Variants in SPTBN1 observed in about 807,000 individuals in gnomAD.
SPTBN1 encodes spectrin beta, non-erythrocytic 1, also known as spectrin beta chain, non-erythrocytic 1.
In SPTBN1, 32 loss-of-function variants were observed where a neutral mutation model predicts 266.4. The ratio of observed to expected loss-of-function variants is 0.12; its 90% CI spans 0.09 to 0.16. The LOEUF is 0.16. Ranked by LOEUF, SPTBN1 falls within the 10% of genes least tolerant of loss-of-function variation. The probability of loss-of-function intolerance (pLI) is 1.00; values close to 1 mark genes in which losing one functional copy is unlikely to be tolerated. For missense variants in SPTBN1, 2,296 were observed against 3,067.1 expected (o/e 0.75, Z 5.94); for synonymous variants, 1,336 against 1,162.2 (o/e 1.15, Z -3.04).
At chr2:54,500,133 G>C (rs1669173592) in intron 1 of SPTBN1, among the ~76,000 whole-genome samples, 1 of 152,158 alleles carries the variant, frequency 6.6e-6, no homozygotes, top group Admixed American at 6.5e-5. Flanking sequence ...TTCATTCTTT[G>C]AAAGAAAAAT....
Position 54,659,953 on chromosome 2 carries a change from A to C in SPTBN1, c.6374A>C (p.Glu2125Ala). The C allele has an allele frequency of 6.2e-7, 1 of 1,614,146 alleles. No homozygotes were observed. The highest frequency in any genetic ancestry group is 8.5e-7 in the Non-Finnish European group (1 of 1,180,024). ...CCTAACAGGGATACTTCAAAAGGAG[A>C]ACAAGTTTCCCAAAACGGTTTGCCA... Reference protein sequence around the residue: ...SQQQWDTSKGEQVSQNGLPAE... With the variant: ...SQQQWDTSKGAQVSQNGLPAE... The change falls in exon 32 of 36, where the codon GAA (glutamate) becomes GCA (alanine). Residue 2125 changes from glutamate to alanine, a missense_variant. By Grantham distance (107) the Glu-to-Ala change is moderately radical. Transcript: ENST00000356805.
At chr2:54,666,568 ACT>A (rs944419653) in intron 34 of SPTBN1, among the ~76,000 whole-genome samples, 187 of 152,046 alleles carry the variant, frequency 1.2e-3, no homozygotes, top group Middle Eastern at 3.4e-3. Flanking sequence ...TCCTCCCCTG[ACT>A]CTCCCAGCAG....
intron 31 of SPTBN1, among the ~76,000 whole-genome samples, chr2:54,659,526 G>C (rs1223695276): frequency 6.6e-6 from 1 of 152,164 alleles, no homozygotes; most frequent in East Asian, 1.9e-4. Context: ...CACACACACA[G>C]GATGCTCAGA....
intron 10 of SPTBN1, among the ~76,000 whole-genome samples, chr2:54,623,946 C>T (rs923177672): frequency 2.6e-5 from 4 of 152,320 alleles, no homozygotes; most frequent in Non-Finnish European, 5.9e-5. Flanking sequence ...TCATGTGTTT[C>T]ATAGTAGTTG....
chr2:54,643,049 C>T lies in SPTBN1; in HGVS notation c.3925C>T (p.Leu1309=), dbSNP rs1438750528. The T allele has an allele frequency of 6.2e-7, 1 of 1,614,104 alleles. No individual in the cohort carries two copies. The highest frequency in any genetic ancestry group is 1.3e-5 in the African/African-American group (1 of 75,050). ...QDMSYDEARN[L]HSKWLKHQAF... is the part of the protein sequence containing the mutation. ...CATGTCTTACGATGAAGCCAGAAAT[C>T]TGCACAGTAAATGGTTGAAGCATCA... Residue 1309 remains leucine, a synonymous_variant, in exon 19 of 36, where the codon CTG becomes TTG. Transcript: ENST00000356805.
chr2:54,630,537 G>A (rs974259216), intron 15 of SPTBN1, among the ~76,000 whole-genome samples: 12 of 152,324 alleles, frequency 7.9e-5, no homozygotes, highest in African/African-American at 2.9e-4. Flanking sequence ...ATTAGGTAGA[G>A]TTCAGAGATG....
chr2:54,526,261 CT>C, intron 1 of SPTBN1, 110 bp from the exon 2 acceptor site: 1 of 837,198 alleles, frequency 1.2e-6, no homozygotes, highest in Non-Finnish European at 1.8e-6. Flanking sequence ...TCCAGAAGAC[CT>C]ATTCTTGGCA....
At chr2:54,475,150 G>A (rs961890130) in intron 1 of SPTBN1, among the ~76,000 whole-genome samples, 1 of 152,218 alleles carries the variant, frequency 6.6e-6, no homozygotes, top group Non-Finnish European at 1.5e-5. Flanking sequence ...AGGTTGCAGT[G>A]AGCTGAGATC....
At chr2:54,585,589 A>G (rs968773319) in intron 2 of SPTBN1, among the ~76,000 whole-genome samples, 2 of 152,222 alleles carry the variant, frequency 1.3e-5, no homozygotes, top group African/African-American at 4.8e-5. Flanking sequence ...GTTTGACCCT[A>G]TGTGTAATAA....
rs148560340 is a variant in SPTBN1 at position 54,660,639 on chromosome 2, T to A, written c.6420+640T>A. 2,028 of 985,500 alleles carry A rather than the reference T, an allele frequency of 2.1e-3. 7 individuals carry two copies. The highest frequency in any genetic ancestry group is 9.9e-3 in the South Asian group (210 of 21,292). The allele number at this position is 985,500 out of a possible 1,614,324, so 61.0% of individuals were successfully genotyped here. A position where few individuals can be genotyped will look rare whatever the true frequency, so the allele number is the denominator to read the frequency against. On this transcript the variant is annotated intron_variant, in intron 32 of 35. Coordinates refer to ENST00000356805, the MANE Select transcript of SPTBN1 (RefSeq NM_003128.3). ...GAGTCAGATATATTCTGGAAGCTAT[T>A]TTAATTTTAGGCACACAATCTCATA...
intron 1 of SPTBN1, among the ~76,000 whole-genome samples, chr2:54,459,696 G>T (rs573489042): frequency 1.3e-5 from 2 of 152,064 alleles, no homozygotes; most frequent in African/African-American, 4.8e-5. Flanking sequence ...AATGGCAGCC[G>T]TAGTTTCTTT....
intron 2 of SPTBN1, among the ~76,000 whole-genome samples, chr2:54,581,088 A>G (rs1228637190): frequency 1.3e-5 from 2 of 151,904 alleles, no homozygotes; most frequent in African/African-American, 4.8e-5. Flanking sequence ...AAAGAGCAAG[A>G]CTTAGTCTTA....
At chr2:54,661,949 A>G in intron 32 of SPTBN1, 4 of 985,418 alleles carry the variant, frequency 4.1e-6, no homozygotes, top group Non-Finnish European at 4.8e-6. Flanking sequence ...ATTGGCTTGT[A>G]TGAGAAGAAA....
intron 2 of SPTBN1, among the ~76,000 whole-genome samples, chr2:54,562,739 G>A (rs13409783): frequency 0.081 from 7,541 of 92,840 alleles, 621 homozygotes; most frequent in African/African-American, 0.3. Context: ...TGTGTGTTTT[G>A]TAGAGACAGG....
intron 2 of SPTBN1, among the ~76,000 whole-genome samples, chr2:54,563,013 A>G (rs1435951631): frequency 6.6e-6 from 1 of 152,184 alleles, no homozygotes; most frequent in Non-Finnish European, 1.5e-5. Context: ...TGGTCTTTAT[A>G]ACATACCTGT....
At chr2:54,509,701 C>G (rs1669751266) in intron 1 of SPTBN1, among the ~76,000 whole-genome samples, 1 of 152,192 alleles carries the variant, frequency 6.6e-6, no homozygotes. Flanking sequence ...TTAGGGTTCA[C>G]TTGGTGAATT....
intron 1 of SPTBN1, among the ~76,000 whole-genome samples, chr2:54,490,164 C>T (rs1668610808): frequency 6.6e-6 from 1 of 151,718 alleles, no homozygotes; most frequent in Non-Finnish European, 1.5e-5. Context: ...CTCCGCCTCC[C>T]AGGTTCAAGC....
Position 54,483,004 on chromosome 2 carries a change from G to T in SPTBN1, c.-48+26486G>T, listed in dbSNP as rs182460852. ...AAGCAGGCTGGCCCGAAGGGGTGTG[G>T]TGAGGACTGGGGGCAGGCAAATGTG... On this transcript the variant is annotated intron_variant, in intron 1 of 35. Transcript: ENST00000356805. Among the ~76,000 whole-genome samples the T allele has an allele frequency of 3.4e-3, 518 of 152,336 alleles. 5 individuals are homozygous for T. The highest frequency in any genetic ancestry group is 4.8e-3 in the Non-Finnish European group (324 of 68,024).
chr2:54,611,080 TTGTG>T (rs1318284351), intron 3 of SPTBN1, among the ~76,000 whole-genome samples: 1 of 151,520 alleles, frequency 6.6e-6, no homozygotes, highest in Non-Finnish European at 1.5e-5. Context: ...CAATCTGTGT[TTGTG>T]TGTATGAGTT....
Sources: gnomAD v4.1 joint callset for allele counts (sites outside exome capture counted in the v4.1 genomes callset) on GRCh38, gnomAD v4.1.1 for gene constraint, MANE v1.5 for transcripts, NCBI Gene and HGNC (gene_info 2026-07-23, HGNC 2026-07-21) for gene names.